Variants in NELL1 observed in about 807,000 individuals in gnomAD.
NELL1 encodes the protein neural EGFL like 1.
In NELL1, 76 loss-of-function variants were observed where a neutral mutation model predicts 107.4. The observed-to-expected ratio is 0.71, with a 90% CI of 0.59 to 0.86. The LOEUF (loss-of-function observed/expected upper bound fraction) is 0.86. Among genes scored for constraint, NELL1 ranks in the 40% least tolerant of loss-of-function variants. The pLI, the probability that NELL1 is intolerant of heterozygous loss-of-function variation, is 0.00. For missense variants in NELL1, 1,024 were observed against 1,005.5 expected, an observed-to-expected ratio of 1.02 and a Z score of -0.25; for synonymous variants, 353 against 341.2, an observed-to-expected ratio of 1.03 and a Z score of -0.38.
At chr11:21,413,524 A>G (rs1309854138) in intron 15 of NELL1, among the ~76,000 whole-genome samples, 1 of 152,088 alleles carries the variant, frequency 6.6e-6, no homozygotes, top group African/African-American at 2.4e-5. Context: ...CTTTCACAAA[A>G]TCTGATTTCC....
chr11:20,954,097 G>A (rs574387953), intron 11 of NELL1, among the ~76,000 whole-genome samples: 2 of 152,150 alleles, frequency 1.3e-5, no homozygotes, highest in Admixed American at 6.5e-5. Flanking sequence ...TCTAACTTCA[G>A]TTGCCACATC....
intron 11 of NELL1, among the ~76,000 whole-genome samples, chr11:20,948,786 A>C (rs1046761941): frequency 2.0e-5 from 3 of 150,242 alleles, no homozygotes; most frequent in African/African-American, 7.3e-5. Flanking sequence ...AAAAAAAAAA[A>C]ACAGTTAAAC....
intron 14 of NELL1, among the ~76,000 whole-genome samples, chr11:21,357,445 A>G (rs528609063): frequency 2.0e-5 from 3 of 152,204 alleles, no homozygotes; most frequent in Admixed American, 2.0e-4. Context: ...GGCCATTTGT[A>G]TATCTTATTT....
chr11:20,929,555 G>A (rs752091429), intron 9 of NELL1, among the ~76,000 whole-genome samples: 6 of 152,066 alleles, frequency 3.9e-5, no homozygotes, highest in Non-Finnish European at 8.8e-5. Context: ...AGTCATGTCT[G>A]GCAATATAGG....
At chr11:21,202,504 A>G (rs1857292472) in intron 13 of NELL1, among the ~76,000 whole-genome samples, 1 of 151,666 alleles carries the variant, frequency 6.6e-6, no homozygotes, top group South Asian at 2.1e-4. Flanking sequence ...CATCTATTTA[A>G]TTCTTCTCTC....
chr11:20,808,678 A>G (rs1453473496), intron 3 of NELL1, among the ~76,000 whole-genome samples: 2 of 152,040 alleles, frequency 1.3e-5, no homozygotes, highest in African/African-American at 4.8e-5. Flanking sequence ...GCTTGCTGAA[A>G]CTCAGATTCT....
chr11:20,893,986 A>C lies in NELL1; in HGVS notation c.603+8446A>C, dbSNP rs1849673359. Among the ~76,000 whole-genome samples, 3 of 152,190 alleles carry C rather than the reference A, an allele frequency of 2.0e-5. No homozygotes were observed. In the South Asian group the frequency reaches 6.2e-4, roughly 32 times the overall value. ...TATTTTAAAGATGTATGTACTGAAT[A>C]ACATAATCTCAAACTGTATGTTGTA... On this transcript the variant is annotated intron_variant, in intron 5 of 19. Transcript: ENST00000357134.
chr11:20,812,914 A>G (rs900374050), intron 3 of NELL1, among the ~76,000 whole-genome samples: 1 of 140,984 alleles, frequency 7.1e-6, no homozygotes, highest in African/African-American at 2.6e-5. Context: ...AGGCTGAGGC[A>G]GGAGAATGGC....
chr11:20,699,717 C>T (rs1470417952), intron 2 of NELL1, among the ~76,000 whole-genome samples: 1 of 152,230 alleles, frequency 6.6e-6, no homozygotes, highest in Non-Finnish European at 1.5e-5. Flanking sequence ...CATATTTTTG[C>T]AATTGCTGAT....
chr11:20,948,118 C>G (rs905780312), intron 11 of NELL1, among the ~76,000 whole-genome samples: 5 of 152,120 alleles, frequency 3.3e-5, no homozygotes, highest in African/African-American at 1.2e-4. Flanking sequence ...TCATAGCTCA[C>G]TGTAACCTTG....
At chr11:20,747,939 G>C (rs1054989722) in intron 2 of NELL1, among the ~76,000 whole-genome samples, 3 of 152,160 alleles carry the variant, frequency 2.0e-5, no homozygotes, top group African/African-American at 7.2e-5. Context: ...GGAAAAGCTG[G>C]CTGGGGAGGT....
At chr11:21,533,317 T>C (rs1442406595) in intron 15 of NELL1, among the ~76,000 whole-genome samples, 1 of 152,214 alleles carries the variant, frequency 6.6e-6, no homozygotes, top group Non-Finnish European at 1.5e-5. Context: ...ATGCTTCTTA[T>C]AGGCCCTGTT....
At chr11:21,213,124 G>T (rs1018573242) in intron 13 of NELL1, among the ~76,000 whole-genome samples, 20 of 151,980 alleles carry the variant, frequency 1.3e-4, no homozygotes, top group African/African-American at 4.6e-4. Context: ...AAAGTAAAAT[G>T]AAATGCCTAA....
chr11:21,209,932 T>C (rs1241484885), intron 13 of NELL1, among the ~76,000 whole-genome samples: 1 of 152,176 alleles, frequency 6.6e-6, no homozygotes, highest in South Asian at 2.1e-4. Context: ...ATTTACATTC[T>C]GCTTCTATAC....
intron 12 of NELL1, among the ~76,000 whole-genome samples, chr11:21,046,883 C>T (rs979801496): frequency 1.4e-5 from 2 of 141,246 alleles, no homozygotes; most frequent in African/African-American, 2.6e-5. Flanking sequence ...AATTTTTAAA[C>T]TTTTTTTTTT....
chr11:20,700,882 C>T (rs896143781), intron 2 of NELL1, among the ~76,000 whole-genome samples: 6 of 152,154 alleles, frequency 3.9e-5, no homozygotes, highest in Admixed American at 1.3e-4. Flanking sequence ...TGTATATGTG[C>T]CACATTTTCT....
At chr11:21,209,849 A>G (rs1371414088) in intron 13 of NELL1, among the ~76,000 whole-genome samples, 1 of 152,180 alleles carries the variant, frequency 6.6e-6, no homozygotes, top group Admixed American at 6.6e-5. Flanking sequence ...GAATGTTTCT[A>G]TCACCTCAAA....
intron 12 of NELL1, among the ~76,000 whole-genome samples, chr11:20,990,514 C>CCATTTTTCTCCAG (rs1318650845): frequency 2.0e-5 from 3 of 152,164 alleles, no homozygotes; most frequent in Non-Finnish European, 4.4e-5. Flanking sequence ...CATTTTTCTG[C>CCATTTTTCTCCAG]CATTTTTCTC....
intron 2 of NELL1, among the ~76,000 whole-genome samples, chr11:20,758,296 C>T (rs1224878456): frequency 6.6e-6 from 1 of 152,160 alleles, no homozygotes; most frequent in Non-Finnish European, 1.5e-5. Flanking sequence ...TCCCACGAGA[C>T]CCATCATGGT....
Sources: gnomAD v4.1 joint callset for allele counts (sites outside exome capture counted in the v4.1 genomes callset) on GRCh38, gnomAD v4.1.1 for gene constraint, MANE v1.5 for transcripts, NCBI Gene and HGNC (gene_info 2026-07-23, HGNC 2026-07-21) for gene names.